Variants in TANC1 observed in about 807,000 individuals in gnomAD.
The protein encoded by TANC1 is tetratricopeptide repeat, ankyrin repeat and coiled-coil containing 1.
A neutral mutation model predicts 149.7 loss-of-function variants in TANC1; 77 were observed. That is an observed-to-expected ratio of 0.51 (90% confidence interval 0.43 to 0.62). The LOEUF is 0.62. Among genes scored for constraint, TANC1 ranks in the 20% least tolerant of loss-of-function variants. The probability of loss-of-function intolerance (pLI) is 0.00; values close to 1 mark genes in which losing one functional copy is unlikely to be tolerated. For missense variants in TANC1, 1,985 were observed against 2,321.8 expected (o/e 0.85, Z 2.98); for synonymous variants, 854 against 925.0 (o/e 0.92, Z 1.39).
chr2:159,048,870 A>G (rs974186094), intron 2 of TANC1, among the ~76,000 whole-genome samples: 12 of 152,180 alleles, frequency 7.9e-5, no homozygotes, highest in Non-Finnish European at 1.3e-4. Flanking sequence ...GCCTCAAGCC[A>G]TTCTCCCACC....
chr2:159,072,914 C>G (rs561995638), intron 3 of TANC1, among the ~76,000 whole-genome samples: 3 of 152,360 alleles, frequency 2.0e-5, no homozygotes, highest in Admixed American at 2.0e-4. Flanking sequence ...AAAGGCTCTT[C>G]TCCCAGCTTC....
At chr2:159,153,721 A>G (rs1010370665) in intron 7 of TANC1, among the ~76,000 whole-genome samples, 2 of 149,112 alleles carry the variant, frequency 1.3e-5, no homozygotes, top group Non-Finnish European at 3.0e-5. Flanking sequence ...CAGGGTGTGC[A>G]GGTTCCACTG....
At chr2:159,128,031 G>A (rs901028542) in intron 4 of TANC1, among the ~76,000 whole-genome samples, 14 of 152,204 alleles carry the variant, frequency 9.2e-5, no homozygotes, top group Non-Finnish European at 5.9e-5. Flanking sequence ...TAAATAAAAG[G>A]AGGCTTATTA....
rs946008627 is a variant in TANC1 at position 159,061,334 on chromosome 2, C to G, written c.-15-4562C>G. 3.9e-5 allele frequency among the ~76,000 whole-genome samples: 6 copies of G among 152,260 alleles called. No homozygotes were observed. The East Asian group carries it at 1.2e-3, about 29-fold the overall frequency. ...AGAGAAACTGCAGAAGAAAGGAGGT[C>G]CCTCTGACCTCCCCTTGCCTTTCTC... is the stretch of plus-strand genomic sequence containing the variant. On this transcript the variant is annotated intron_variant, in intron 2 of 26. Coordinates refer to ENST00000263635, the MANE Select transcript of TANC1 (RefSeq NM_033394.3).
intron 3 of TANC1, among the ~76,000 whole-genome samples, chr2:159,089,556 C>T (rs1370934648): frequency 2.0e-5 from 3 of 152,190 alleles, no homozygotes; most frequent in Non-Finnish European, 4.4e-5. Context: ...ACCCTCATGT[C>T]TCTCTTTCCC....
intron 22 of TANC1, among the ~76,000 whole-genome samples, chr2:159,222,388 C>T (rs149054728): frequency 1.3e-4 from 20 of 152,320 alleles, no homozygotes; most frequent in African/African-American, 4.6e-4. Context: ...ATTTGTTAAA[C>T]AACTCTCCAT....
intron 1 of TANC1, among the ~76,000 whole-genome samples, chr2:158,971,877 GA>G (rs1392999536): frequency 6.6e-6 from 1 of 152,184 alleles, no homozygotes. Context: ...TAGTTGAGTT[GA>G]ACTTGAACCA....
chr2:159,230,197 A>G lies in TANC1; in HGVS notation c.4771A>G (p.Arg1591Gly), dbSNP rs2060264694. Reference protein sequence around the residue: ...HLEGTGTFTTRAGCGHFGDRL... With the variant: ...HLEGTGTFTTGAGCGHFGDRL... The stretch of plus-strand genomic sequence containing the variant: ...AGAGGGAACAGGTACTTTCACTACA[A>G]GAGCTGGTTGTGGCCACTTTGGGGA... Residue 1591 changes from arginine (R) to glycine (G), a missense_variant, in exon 27 of 27, where the codon AGA (arginine) becomes GGA (glycine). Arg to Gly is a moderately radical substitution (Grantham distance 125, BLOSUM62 -2). Transcript: ENST00000263635. This position sits in a 1 kb window ranked among gnomAD's most constrained non-coding sequence, Gnocchi z 4.4. 1 of 1,614,050 alleles carries G rather than the reference A, an allele frequency of 6.2e-7. No homozygotes were observed. Among genetic ancestry groups the G allele is most frequent in the Non-Finnish European group, 8.5e-7 (1 of 1,180,030 alleles).
rs370745760 is a variant in TANC1 at position 159,224,282 on chromosome 2, C to A, written c.3729C>A (p.Ser1243Arg). The change falls in exon 23 of 27, where the codon AGC becomes AGA. Residue 1243 changes from serine (S) to arginine (R), a missense_variant. Physicochemically the swap from Ser to Arg is moderately radical, Grantham distance 110. Transcript: ENST00000263635. ...CCGTGATCGAGCATGTGGACCACAG[C>A]GGGATGCGGCCCTTGGACAGAGCCA... ...KGAVIEHVDHSGMRPLDRAIG... is the reference protein window; with the variant it reads ...KGAVIEHVDHRGMRPLDRAIG... 33 of 1,614,174 alleles carry A rather than the reference C, an allele frequency of 2.0e-5. No homozygotes were observed. Among genetic ancestry groups the A allele is most frequent in the Non-Finnish European group, 2.7e-5 (32 of 1,180,034 alleles).
chr2:159,131,683 TTGAG>T (rs1437032460), intron 4 of TANC1, among the ~76,000 whole-genome samples: 4 of 152,188 alleles, frequency 2.6e-5, no homozygotes, highest in Non-Finnish European at 4.4e-5. Context: ...TAATGGTGTT[TTGAG>T]AGGGAGTGGA....
chr2:159,025,478 A>G (rs1559144993), intron 2 of TANC1, among the ~76,000 whole-genome samples: 2 of 152,134 alleles, frequency 1.3e-5, no homozygotes, highest in Non-Finnish European at 2.9e-5. Flanking sequence ...CCCAGACACT[A>G]TGTAATTCCC....
chr2:159,041,784 G>A (rs1441953429), intron 2 of TANC1, among the ~76,000 whole-genome samples: 3 of 152,180 alleles, frequency 2.0e-5, no homozygotes, highest in Non-Finnish European at 4.4e-5. Context: ...CCCTCTGTGG[G>A]CTGCATCCAC....
chr2:159,139,943 C>A (rs1346835017), intron 5 of TANC1, among the ~76,000 whole-genome samples: 2 of 152,030 alleles, frequency 1.3e-5, no homozygotes, highest in Non-Finnish European at 2.9e-5. Flanking sequence ...CATAAAGGGG[C>A]TGGGTGTGGT....
chr2:159,110,173 A>G (rs1239166565), intron 4 of TANC1, among the ~76,000 whole-genome samples: 1 of 152,238 alleles, frequency 6.6e-6, no homozygotes, highest in Non-Finnish European at 1.5e-5. Context: ...GCCAAGAGAA[A>G]GCGTTGAGAC....
chr2:159,041,868 A>T (rs939579451), intron 2 of TANC1, among the ~76,000 whole-genome samples: 2 of 152,156 alleles, frequency 1.3e-5, no homozygotes, highest in African/African-American at 4.8e-5. Flanking sequence ...CTTCTGTGTC[A>T]GTCACGCTGC....
At chr2:159,123,979 C>G (rs1214439243) in intron 4 of TANC1, among the ~76,000 whole-genome samples, 1 of 152,104 alleles carries the variant, frequency 6.6e-6, no homozygotes, top group Non-Finnish European at 1.5e-5. Flanking sequence ...ACTGTTTTGT[C>G]TTCATACTTG....
intron 4 of TANC1, among the ~76,000 whole-genome samples, chr2:159,105,285 C>T (rs935380308): frequency 9.3e-5 from 14 of 151,344 alleles, no homozygotes; most frequent in South Asian, 6.3e-4. Flanking sequence ...TGAGCCACCC[C>T]GCCCGGCCAG....
chr2:159,174,714 C>T (rs1473394705), intron 11 of TANC1, among the ~76,000 whole-genome samples: 3 of 152,130 alleles, frequency 2.0e-5, no homozygotes, highest in Admixed American at 6.5e-5. Flanking sequence ...AAAAAAATAA[C>T]TTGTGCTGAT....
rs771559690 is a variant in TANC1 at position 159,230,001 on chromosome 2, G to A, written c.4575G>A (p.Leu1525=). ...CTGTGGCCCAGCCAGGGCTGCTCCTGCAGCCCTCCAAGCAGGCCCAGATCG... is the reference window on the plus strand; with the variant it reads ...CTGTGGCCCAGCCAGGGCTGCTCCTACAGCCCTCCAAGCAGGCCCAGATCG... ...REPVAQPGLL[L]QPSKQAQIVK... The change falls in exon 27 of 27, where the codon CTG becomes CTA. Residue 1525 remains leucine (L), a synonymous_variant. Transcript: ENST00000263635. The surrounding 1 kb of genome is among the most constrained non-coding windows in gnomAD (Gnocchi z 4.4). The A allele has an allele frequency of 6.2e-6, 10 of 1,613,946 alleles. No individual in the cohort carries two copies. The East Asian group carries it at 8.9e-5, about 14-fold the overall frequency.
Sources: gnomAD v4.1 joint callset for allele counts (sites outside exome capture counted in the v4.1 genomes callset) on GRCh38, gnomAD v4.1.1 for gene constraint, Gnocchi (gnomAD v3.1) non-coding constraint, MANE v1.5 for transcripts, NCBI Gene and HGNC (gene_info 2026-07-23, HGNC 2026-07-21) for gene names.